Variants in CEP63 observed in about 807,000 individuals in gnomAD.
CEP63 encodes centrosomal protein 63, also known as centrosomal protein of 63 kDa.
Under a neutral mutation model 89.1 loss-of-function variants are expected in CEP63, and 84 were observed. That is an observed-to-expected ratio of 0.94 (90% CI 0.79 to 1.13). The LOEUF (loss-of-function observed/expected upper bound fraction) is 1.13, where lower values mean the gene tolerates loss of function less well. CEP63 is among the 50% of genes most tolerant of loss of function. The pLI is 0.00. For missense variants in CEP63, 838 were observed against 813.3 expected (o/e 1.03, Z -0.37); for synonymous variants, 267 against 272.5 (o/e 0.98, Z 0.20).
downstream of CEP63, among the ~76,000 whole-genome samples, chr3:134,565,880 A>T (rs1234422112): frequency 6.6e-6 from 1 of 152,076 alleles, no homozygotes; most frequent in Non-Finnish European, 1.5e-5. Flanking sequence ...GAAGTCCAAC[A>T]TTTTCATAAC....
At chr3:134,588,104 C>A (rs976873313), downstream of CEP63, among the ~76,000 whole-genome samples, 6 of 152,036 alleles carry the variant, frequency 3.9e-5, no homozygotes, top group African/African-American at 1.4e-4. Flanking sequence ...ACCAGCCTGA[C>A]CAACATGGCA....
At chr3:134,647,871 T>G in the CEP63 span, among the ~76,000 whole-genome samples, 1 of 152,226 alleles carries the variant, frequency 6.6e-6, no homozygotes, top group Admixed American at 6.5e-5. Flanking sequence ...CACCCACTTT[T>G]AGAGTCTTGA....
intron 3 of CEP63, among the ~76,000 whole-genome samples, chr3:134,530,285 C>T (rs1319215866): frequency 4.6e-5 from 7 of 152,278 alleles, no homozygotes; most frequent in Admixed American, 1.3e-4. Context: ...ATAACTTACC[C>T]GCACAAGTTT....
chr3:134,510,638 GT>G (rs1313083376), intron 3 of CEP63: 2 of 651,206 alleles, frequency 3.1e-6, no homozygotes, highest in Non-Finnish European at 5.7e-6. Flanking sequence ...AGCAAGAAGA[GT>G]GCACTCACTC....
chr3:134,775,739 A>C, the CEP63 span, among the ~76,000 whole-genome samples: 1 of 152,194 alleles, frequency 6.6e-6, no homozygotes, highest in Non-Finnish European at 1.5e-5. Context: ...ATTATATTCA[A>C]GTTCCTATTT....
intron 12 of CEP63, among the ~76,000 whole-genome samples, chr3:134,557,372 A>ATTTTTTTTTTT (rs1488699483): frequency 1.4e-4 from 7 of 50,438 alleles, no homozygotes; most frequent in African/African-American, 6.4e-4. Flanking sequence ...TACTTTCATA[A>ATTTTTTTTTTT]TTTGTTTTTT....
intron 3 of CEP63, among the ~76,000 whole-genome samples, chr3:134,528,140 T>C (rs1949049620): frequency 6.6e-6 from 1 of 152,174 alleles, no homozygotes; most frequent in Non-Finnish European, 1.5e-5. Context: ...CCAGAGCTGT[T>C]TGGGCCAGGA....
At position 134,562,202 on chromosome 3, in the gene CEP63, G is replaced by A. The variant is rs922978352; in HGVS notation, c.*667G>A. On this transcript the variant is annotated 3_prime_UTR_variant, in exon 15 of 15. Transcript: ENST00000675561. ...TATCCATTGGAAATAAATGTTCATCGTCTGCACTGCTGAGGACAAGTTTAG... is the reference window on the plus strand; with the variant it reads ...TATCCATTGGAAATAAATGTTCATCATCTGCACTGCTGAGGACAAGTTTAG... 2.2e-5 allele frequency: 22 copies of A among 986,166 alleles called. No individual in the cohort carries two copies. The African/African-American group carries it at 3.1e-4, about 14-fold the overall frequency. The allele number at this position is 986,166 out of a possible 1,614,324, so 61.1% of individuals were successfully genotyped here. A position where few individuals can be genotyped will look rare whatever the true frequency, so the allele number is the denominator to read the frequency against.
At chr3:134,734,595 T>C in the CEP63 span, among the ~76,000 whole-genome samples, 1 of 152,198 alleles carries the variant, frequency 6.6e-6, no homozygotes, top group Non-Finnish European at 1.5e-5. Flanking sequence ...TTTATTCTTA[T>C]TGATTTGAAA....
At chr3:134,667,831 G>A in the CEP63 span, among the ~76,000 whole-genome samples, 6 of 152,192 alleles carry the variant, frequency 3.9e-5, no homozygotes, top group Non-Finnish European at 7.3e-5. Flanking sequence ...CTCTGCTGGG[G>A]ATCATCAACT....
chr3:134,516,358 T>G (rs1376791728), intron 3 of CEP63, among the ~76,000 whole-genome samples: 3 of 152,214 alleles, frequency 2.0e-5, no homozygotes, highest in African/African-American at 7.2e-5. Context: ...GAACATACAA[T>G]CGGGTTTTAT....
At chr3:134,615,959 C>G in the CEP63 span, among the ~76,000 whole-genome samples, 1 of 152,192 alleles carries the variant, frequency 6.6e-6, no homozygotes, top group Non-Finnish European at 1.5e-5. Context: ...AGTGTCAGGG[C>G]TCAAACTCGT....
At chr3:134,643,406 A>T in the CEP63 span, 1 of 1,602,346 alleles carries the variant, frequency 6.2e-7, no homozygotes, top group Non-Finnish European at 8.5e-7. Flanking sequence ...AGAGGCCTGC[A>T]GTGACCACTG....
chr3:134,633,535 AT>A, the CEP63 span, among the ~76,000 whole-genome samples: 1 of 152,142 alleles, frequency 6.6e-6, no homozygotes, highest in African/African-American at 2.4e-5. Context: ...AGAAAAATGC[AT>A]TTGACAAAAT....
At chr3:134,565,524 A>C (rs1377766875), downstream of CEP63, among the ~76,000 whole-genome samples, 1 of 152,234 alleles carries the variant, frequency 6.6e-6, no homozygotes, top group African/African-American at 2.4e-5. Context: ...TGTCATGAAC[A>C]GCACTGAAAT....
chr3:134,554,690 A>G (rs1180604293), intron 12 of CEP63, among the ~76,000 whole-genome samples: 191 of 144,204 alleles, frequency 1.3e-3, no homozygotes, highest in South Asian at 2.6e-3. Flanking sequence ...ACTACTTTAT[A>G]GTCCCACCAA....
chr3:134,761,223 A>C, the CEP63 span, among the ~76,000 whole-genome samples: 119 of 152,332 alleles, frequency 7.8e-4, no homozygotes, highest in African/African-American at 2.8e-3. Context: ...TCCCTTGGCC[A>C]GCTACAAAGC....
chr3:134,585,648 C>T (rs1355813981), intron 10 of CEP63, among the ~76,000 whole-genome samples: 7 of 152,138 alleles, frequency 4.6e-5, no homozygotes, highest in Non-Finnish European at 1.0e-4. Flanking sequence ...CGATGTGGTG[C>T]TGAGAAGAAT....
the CEP63 span, chr3:134,608,336 G>T: frequency 3.9e-6 from 5 of 1,288,228 alleles, no homozygotes; most frequent in Non-Finnish European, 5.0e-6. Context: ...TCTGTGACAT[G>T]CCAGGCTGTG....
Sources: gnomAD v4.1 joint callset for allele counts (sites outside exome capture counted in the v4.1 genomes callset) on GRCh38, gnomAD v4.1.1 for gene constraint, MANE v1.5 for transcripts, NCBI Gene and HGNC (gene_info 2026-07-23, HGNC 2026-07-21) for gene names.